The following PCDH15 variants were observed in gnomAD, a reference collection of about 807,000 sequenced individuals.
The protein encoded by PCDH15 is protocadherin related 15, also known as protocadherin-15.
PCDH15 carries 129 observed loss-of-function variants against 178.5 expected under a neutral mutation model. The ratio of observed to expected loss-of-function variants is 0.72; its 90% CI spans 0.63 to 0.84. PCDH15 has a LOEUF of 0.84. Ranked by LOEUF, PCDH15 falls within the 40% of genes least tolerant of loss-of-function variation. The probability of loss-of-function intolerance (pLI) is 0.00; values close to 1 mark genes in which losing one functional copy is unlikely to be tolerated. For missense variants in PCDH15, 2,230 were observed against 2,099.9 expected, an observed-to-expected ratio of 1.06 and a Z score of -1.21; for synonymous variants, 800 against 732.0, an observed-to-expected ratio of 1.09 and a Z score of -1.50.
chr10:55,342,789 T>A lies in PCDH15; in HGVS notation c.-155-176138A>T, dbSNP rs1844640665. Among the ~76,000 whole-genome samples the A allele has an allele frequency of 2.0e-5, 3 of 152,090 alleles. No homozygotes were observed. The South Asian group carries it at 6.2e-4, about 32-fold the overall frequency. On this transcript the variant is annotated intron_variant, in intron 2 of 5. Coordinates refer to the PCDH15 transcript ENST00000613346. ...AAAGTACCTCTGAGAAGAAATAAGC[T>A]GAGGAGGGCACATTTCTGGAGACTA...
chr10:53,888,703 A>ATATATATATATATC (rs2081351421), intron 26 of PCDH15, among the ~76,000 whole-genome samples: 1 of 21,082 alleles, frequency 4.7e-5, no homozygotes, highest in Non-Finnish European at 1.3e-4. Flanking sequence ...ATATATATAT[A>ATATATATATATATC]TCTCCTGTGG....
chr10:55,353,289 T>C (rs576179895), intron 2 of PCDH15, among the ~76,000 whole-genome samples: 8 of 152,248 alleles, frequency 5.3e-5, no homozygotes, highest in African/African-American at 1.7e-4. Context: ...GTATTGATTC[T>C]TATTTTGATT....
At chr10:55,004,305 G>A (rs544687274) in intron 2 of PCDH15, among the ~76,000 whole-genome samples, 165 of 152,046 alleles carry the variant, frequency 1.1e-3, no homozygotes, top group Non-Finnish European at 1.7e-3. Context: ...GATTTCTCAC[G>A]ATTGAGAAAT....
chr10:55,441,523 A>C (rs1417545474), intron 2 of PCDH15, among the ~76,000 whole-genome samples: 2 of 152,212 alleles, frequency 1.3e-5, no homozygotes, highest in Non-Finnish European at 2.9e-5. Flanking sequence ...TGACTGCAGC[A>C]GAGACAGGCT....
intron 8 of PCDH15, among the ~76,000 whole-genome samples, chr10:54,267,245 C>G (rs566568204): frequency 1.3e-5 from 2 of 151,766 alleles, no homozygotes; most frequent in South Asian, 4.2e-4. Context: ...TAATTAAAAC[C>G]CTCAGTAGAC....
chr10:54,167,742 C>A (rs980897194), intron 13 of PCDH15, among the ~76,000 whole-genome samples: 1 of 151,972 alleles, frequency 6.6e-6, no homozygotes, highest in South Asian at 2.1e-4. Context: ...TATTTCCGCA[C>A]CCCAACCTCT....
intron 13 of PCDH15, among the ~76,000 whole-genome samples, chr10:54,178,871 C>T (rs1274517183): frequency 6.6e-6 from 1 of 152,066 alleles, no homozygotes; most frequent in Non-Finnish European, 1.5e-5. Context: ...CAATGAGATA[C>T]CATCTCACAC....
chr10:54,586,358 CT>C (rs2091466550), intron 2 of PCDH15, among the ~76,000 whole-genome samples: 1 of 152,086 alleles, frequency 6.6e-6, no homozygotes, highest in African/African-American at 2.4e-5. Context: ...TACAAAAGGT[CT>C]TAACTTCAAG....
In PCDH15 at chr10:55,392,062, G is replaced by A. The variant is rs571196728; in HGVS notation, c.-155-225411C>T. On this transcript the variant is annotated intron_variant, in intron 2 of 5. Transcript: ENST00000613346. ...TAAGAGACCTCGGGAAAGAGTCTTG[G>A]TGCAATCAGAACACACATTTATTTA... Among the ~76,000 whole-genome samples the A allele has an allele frequency of 6.6e-5, 10 of 152,232 alleles. No homozygotes were observed. The South Asian group carries it at 2.1e-3, about 32-fold the overall frequency.
At chr10:55,019,050 A>G (rs935374292) in intron 2 of PCDH15, among the ~76,000 whole-genome samples, 1 of 152,068 alleles carries the variant, frequency 6.6e-6, no homozygotes, top group Non-Finnish European at 1.5e-5. Context: ...AAACTATCTT[A>G]TTTTGCAGCT....
intron 2 of PCDH15, among the ~76,000 whole-genome samples, chr10:55,559,439 G>A (rs1842150882): frequency 1.3e-5 from 2 of 152,010 alleles, no homozygotes; most frequent in East Asian, 1.9e-4. Context: ...CAAATCATAT[G>A]TGGCCATTAT....
chr10:54,214,102 A>G, intron 9 of PCDH15, 54 bp from the exon 10 acceptor site: 2 of 970,338 alleles, frequency 2.1e-6, no homozygotes, highest in Non-Finnish European at 3.3e-6. Context: ...TAATATGTGT[A>G]TCTGCTTTTT....
intron 8 of PCDH15, among the ~76,000 whole-genome samples, chr10:54,273,872 C>T (rs1173571977): frequency 6.6e-6 from 1 of 152,032 alleles, no homozygotes; most frequent in African/African-American, 2.4e-5. Context: ...TAAGCAAAGA[C>T]ATGGAATCAA....
chr10:55,135,461 G>T (rs544056885), intron 2 of PCDH15, among the ~76,000 whole-genome samples: 117 of 151,532 alleles, frequency 7.7e-4, no homozygotes, highest in Non-Finnish European at 1.5e-3. Flanking sequence ...CAATAAAAAC[G>T]AAGCTAGTTT....
chr10:55,168,760 C>T (rs1329727265), intron 1 of PCDH15, among the ~76,000 whole-genome samples: 2 of 152,080 alleles, frequency 1.3e-5, no homozygotes, highest in Non-Finnish European at 2.9e-5. Flanking sequence ...TTTATGTGTA[C>T]AGTATATGTA....
chr10:54,078,404 A>G (rs943715632), intron 17 of PCDH15, among the ~76,000 whole-genome samples: 4 of 152,020 alleles, frequency 2.6e-5, no homozygotes, highest in Non-Finnish European at 5.9e-5. Context: ...TACATTTATT[A>G]TTACAATAAT....
chr10:54,479,157 T>C (rs1186366374), intron 3 of PCDH15, among the ~76,000 whole-genome samples: 1 of 152,074 alleles, frequency 6.6e-6, no homozygotes, highest in Non-Finnish European at 1.5e-5. Context: ...AAATGCCTTC[T>C]ATATTAATAT....
intron 2 of PCDH15, among the ~76,000 whole-genome samples, chr10:55,013,122 T>A (rs1007255379): frequency 1.3e-5 from 2 of 152,116 alleles, no homozygotes; most frequent in African/African-American, 4.8e-5. Flanking sequence ...ATTAAATTTG[T>A]CACTAAATCC....
chr10:54,298,817 G>T (rs1279508052), intron 8 of PCDH15, among the ~76,000 whole-genome samples: 1 of 152,194 alleles, frequency 6.6e-6, no homozygotes, highest in Admixed American at 6.5e-5. Flanking sequence ...TGTCCTCAAG[G>T]TCCGTTACCA....
Sources: gnomAD v4.1 joint callset for allele counts (sites outside exome capture counted in the v4.1 genomes callset) on GRCh38, gnomAD v4.1.1 for gene constraint, MANE v1.5 for transcripts, NCBI Gene and HGNC (gene_info 2026-07-23, HGNC 2026-07-21) for gene names.